Variants in MNAT1 observed in about 807,000 individuals in gnomAD.
MNAT1 encodes MNAT1 component of CDK activating kinase.
Under a neutral mutation model 42.0 loss-of-function variants are expected in MNAT1, and 43 were observed. The observed-to-expected ratio is 1.02, with a 90% CI of 0.80 to 1.32. The LOEUF is 1.32. MNAT1 is among the 40% of genes most tolerant of loss of function. The probability of loss-of-function intolerance (pLI) is 0.00; values close to 1 mark genes in which losing one functional copy is unlikely to be tolerated. For synonymous variants in MNAT1, 118 were observed against 120.0 expected (o/e 0.98, Z 0.11); for missense variants, 306 against 350.4 (o/e 0.87, Z 1.01).
At chr14:60,828,716 G>T (rs1171620692) in intron 6 of MNAT1, among the ~76,000 whole-genome samples, 1 of 152,102 alleles carries the variant, frequency 6.6e-6, no homozygotes, top group Non-Finnish European at 1.5e-5. Flanking sequence ...TCAATCGAAA[G>T]CTCCAGGTGG....
intron 7 of MNAT1, among the ~76,000 whole-genome samples, chr14:60,913,724 T>C (rs1310440428): frequency 6.6e-6 from 1 of 152,180 alleles, no homozygotes; most frequent in Non-Finnish European, 1.5e-5. Context: ...GTGTGAGGTG[T>C]CAGTCTGCCC....
intron 1 of MNAT1, among the ~76,000 whole-genome samples, chr14:60,773,312 G>A (rs546539646): frequency 1.3e-5 from 2 of 152,232 alleles, no homozygotes; most frequent in Non-Finnish European, 2.9e-5. Flanking sequence ...TATGTTTGAT[G>A]TAGTGAGTGG....
intron 7 of MNAT1, among the ~76,000 whole-genome samples, chr14:60,890,326 G>A (rs2034806270): frequency 6.6e-6 from 1 of 152,082 alleles, no homozygotes. Flanking sequence ...AATCTTCTTG[G>A]TATGTTGTTG....
intron 7 of MNAT1, among the ~76,000 whole-genome samples, chr14:60,898,180 G>A (rs2035001344): frequency 6.7e-6 from 1 of 149,618 alleles, no homozygotes; most frequent in African/African-American, 2.5e-5. Flanking sequence ...TCCATAGATG[G>A]ATACTTAGAT....
At chr14:60,921,644 T>C (rs2035662707) in intron 7 of MNAT1, among the ~76,000 whole-genome samples, 1 of 152,156 alleles carries the variant, frequency 6.6e-6, no homozygotes. Context: ...TGGTACAAAA[T>C]AAAAATATAT....
chr14:60,899,948 CTAT>C (rs58076734), intron 7 of MNAT1, among the ~76,000 whole-genome samples: 140,280 of 151,798 alleles, frequency 0.92, 65,368 homozygotes, highest in Non-Finnish European at 0.99. Flanking sequence ...TTTGCTGTTA[CTAT>C]TATTATTGTT....
At chr14:60,751,776 A>G (rs2030104853) in intron 1 of MNAT1, among the ~76,000 whole-genome samples, 1 of 151,834 alleles carries the variant, frequency 6.6e-6, no homozygotes, top group African/African-American at 2.4e-5. Flanking sequence ...AAAAAAAAAA[A>G]GAATTTTGAG....
chr14:60,929,172 T>TAC, intron 7 of MNAT1, among the ~76,000 whole-genome samples: 1 of 118,750 alleles, frequency 8.4e-6, no homozygotes. Context: ...AAAAAAAAAA[T>TAC]ATATATATAT....
chr14:60,913,227 C>T (rs1213237546), intron 7 of MNAT1, among the ~76,000 whole-genome samples: 3 of 152,076 alleles, frequency 2.0e-5, no homozygotes, highest in Non-Finnish European at 2.9e-5. Flanking sequence ...GTCCATTCGT[C>T]TAATTTTTTT....
intron 6 of MNAT1, among the ~76,000 whole-genome samples, chr14:60,852,412 T>A (rs1021375276): frequency 6.6e-6 from 1 of 152,268 alleles, no homozygotes; most frequent in African/African-American, 2.4e-5. Flanking sequence ...TTCTTGTAAA[T>A]TTGTTTAAGT....
intron 6 of MNAT1, among the ~76,000 whole-genome samples, chr14:60,848,641 G>A (rs2033739371): frequency 6.6e-6 from 1 of 151,984 alleles, no homozygotes; most frequent in Admixed American, 6.6e-5. Flanking sequence ...GTTATGTACT[G>A]TTGCTTTCAG....
intron 7 of MNAT1, among the ~76,000 whole-genome samples, chr14:60,902,954 A>G (rs2035103775): frequency 1.3e-5 from 2 of 151,924 alleles, no homozygotes; most frequent in Non-Finnish European, 2.9e-5. Context: ...GCTGAAAAAA[A>G]ATTTTTTTTC....
At chr14:60,932,785 A>G (rs1174600112) in intron 7 of MNAT1, among the ~76,000 whole-genome samples, 1 of 152,048 alleles carries the variant, frequency 6.6e-6, no homozygotes, top group Non-Finnish European at 1.5e-5. Flanking sequence ...GTTAGAGATC[A>G]TACTTATTTC....
intron 3 of MNAT1, among the ~76,000 whole-genome samples, chr14:60,798,688 A>G (rs1316596520): frequency 3.9e-5 from 6 of 152,104 alleles, no homozygotes; most frequent in African/African-American, 1.4e-4. Flanking sequence ...TGATGTGTTT[A>G]GTCAAAAGGA....
rs908804470 is a variant in MNAT1, at chr14:60,856,784, G to A, written c.688-22930G>A. On this transcript the variant is annotated intron_variant, in intron 6 of 7. Transcript: ENST00000261245. ...CAACCTCCGCCTCCTGGTTTCAAGCGTTTCCTCTGCCTCAGCCTCCTGAGT... is the reference window on the plus strand; with the variant it reads ...CAACCTCCGCCTCCTGGTTTCAAGCATTTCCTCTGCCTCAGCCTCCTGAGT... Among the ~76,000 whole-genome samples, 9 of 151,738 alleles carry A rather than the reference G, an allele frequency of 5.9e-5. 1 individual carries two copies. Among genetic ancestry groups the A allele is most frequent in the East Asian group, 3.9e-4 (2 of 5,150 alleles).
At chr14:60,755,415 T>TA (rs1371777001) in intron 1 of MNAT1, among the ~76,000 whole-genome samples, 1 of 152,208 alleles carries the variant, frequency 6.6e-6, no homozygotes, top group Admixed American at 6.5e-5. Context: ...GTGCTGGTAT[T>TA]ACAGGCGTGA....
At chr14:60,931,885 A>G (rs1263868295) in intron 7 of MNAT1, among the ~76,000 whole-genome samples, 2 of 151,994 alleles carry the variant, frequency 1.3e-5, no homozygotes, top group African/African-American at 4.8e-5. Flanking sequence ...AATTAATTAT[A>G]TACTCCCTTA....
intron 6 of MNAT1, among the ~76,000 whole-genome samples, chr14:60,869,749 ATTGT>A (rs1264961189): frequency 2.0e-5 from 3 of 152,062 alleles, no homozygotes; most frequent in Non-Finnish European, 4.4e-5. Context: ...TATTTTTATT[ATTGT>A]TTATCTCAAC....
At chr14:60,966,403 C>T (rs371250585) in intron 7 of MNAT1, among the ~76,000 whole-genome samples, 22 of 152,184 alleles carry the variant, frequency 1.4e-4, no homozygotes, top group South Asian at 4.2e-4. Flanking sequence ...CACAGGTGTG[C>T]GCCACCACAC....
Sources: gnomAD v4.1 joint callset for allele counts (sites outside exome capture counted in the v4.1 genomes callset) on GRCh38, gnomAD v4.1.1 for gene constraint, MANE v1.5 for transcripts, NCBI Gene and HGNC (gene_info 2026-07-23, HGNC 2026-07-21) for gene names.